KIAA1958: variants seen among roughly 807,000 people sequenced by gnomAD.
KIAA1958 encodes uncharacterized protein KIAA1958.
Under a neutral mutation model 47.2 loss-of-function variants are expected in KIAA1958, and 14 were observed. The ratio of observed to expected loss-of-function variants is 0.30; its 90% CI spans 0.20 to 0.46. The LOEUF (loss-of-function observed/expected upper bound fraction) is 0.46, where lower values mean the gene tolerates loss of function less well. Among genes scored for constraint, KIAA1958 ranks in the 20% least tolerant of loss-of-function variants. The pLI, the probability that KIAA1958 is intolerant of heterozygous loss-of-function variation, is 1.00. For synonymous variants in KIAA1958, 354 were observed against 353.3 expected, an observed-to-expected ratio of 1.00 and a Z score of -0.02; for missense variants, 803 against 909.2, an observed-to-expected ratio of 0.88 and a Z score of 1.50.
In KIAA1958 at chr9:112,659,971, T is replaced by G. The variant is rs778778577; in HGVS notation, c.2053T>G (p.Leu685Val). The G allele has an allele frequency of 2.0e-5, 32 of 1,614,148 alleles. No individual in the cohort carries two copies. The highest frequency in any genetic ancestry group is 2.5e-5 in the Non-Finnish European group (30 of 1,180,056). The change falls in exon 4 of 4, where the codon TTA (leucine) becomes GTA (valine). Residue 685 changes from leucine (L) to valine (V), a missense_variant. This residue lies in a region of KIAA1958 where 761 missense variants were observed against 829.3 expected (regional missense o/e 0.92). Coordinates refer to ENST00000337530, the MANE Select transcript of KIAA1958 (RefSeq NM_133465.4). Reference sequence around the variant, plus strand: ...CTCTCTTCGGGGAATTGTCCCAAACTTAGCCAAGAAGGTCAAGCTGGAAAA... The same window carrying G: ...CTCTCTTCGGGGAATTGTCCCAAACGTAGCCAAGAAGGTCAAGCTGGAAAA... ...LRSLRGIVPN[L>V]AKKVKLENCE...
At chr9:112,507,982 T>C (rs1189181786) in intron 1 of KIAA1958, among the ~76,000 whole-genome samples, 1 of 152,154 alleles carries the variant, frequency 6.6e-6, no homozygotes, top group Non-Finnish European at 1.5e-5. Flanking sequence ...CTTTGAGAAT[T>C]GGATAAAATC....
At chr9:112,600,620 T>C (rs1274684726) in intron 2 of KIAA1958, among the ~76,000 whole-genome samples, 1 of 152,204 alleles carries the variant, frequency 6.6e-6, no homozygotes, top group Admixed American at 6.5e-5. Flanking sequence ...ATATAGATAT[T>C]AACTCTGGTT....
intron 1 of KIAA1958, among the ~76,000 whole-genome samples, chr9:112,508,719 A>C (rs1281934848): frequency 6.6e-6 from 1 of 152,218 alleles, no homozygotes; most frequent in African/African-American, 2.4e-5. Context: ...TGTTGTAAAA[A>C]TATGCATTAT....
In KIAA1958 at chr9:112,623,323, C is replaced by T. The variant is rs940311568; in HGVS notation, c.1172-22327C>T. Among the ~76,000 whole-genome samples, 22 of 152,286 alleles carry T rather than the reference C, an allele frequency of 1.4e-4. No individual in the cohort carries two copies. The East Asian group carries it at 2.9e-3, about 20-fold the overall frequency. On this transcript the variant is annotated intron_variant, in intron 2 of 3. Transcript: ENST00000337530. Reference sequence around the variant, plus strand: ...TCCCATTAGGTAAGTATTATTATTTCCCTTTTATAATTGAGGAAATCCAGA... The same window carrying T: ...TCCCATTAGGTAAGTATTATTATTTTCCTTTTATAATTGAGGAAATCCAGA...
rs1286167714 is a variant in KIAA1958 at position 112,618,980 on chromosome 9, G to A, written c.1172-26670G>A. 20 of 1,448,934 alleles carry A rather than the reference G, an allele frequency of 1.4e-5. No individual in the cohort carries two copies. The South Asian group carries it at 2.2e-4, about 16-fold the overall frequency. 89.8% of individuals were successfully genotyped at this position (1,448,934 alleles called of 1,614,324 possible). ...TCCGGAGAAACTGTGATTATACACCGCTTCTCGTTCCCCTTCCTGTGCCCT... is the reference window on the plus strand; with the variant it reads ...TCCGGAGAAACTGTGATTATACACCACTTCTCGTTCCCCTTCCTGTGCCCT... On this transcript the variant is annotated intron_variant, in intron 2 of 3. Transcript: ENST00000337530. This position sits in a 1 kb window ranked among gnomAD's most constrained non-coding sequence, Gnocchi z 7.1.
chr9:112,513,210 G>A (rs1224642275), intron 1 of KIAA1958, among the ~76,000 whole-genome samples: 1 of 133,110 alleles, frequency 7.5e-6, no homozygotes, highest in Non-Finnish European at 1.6e-5. Context: ...TCACCATGTT[G>A]GCCAGGCTGG....
At chr9:112,656,201 C>T (rs1219877776) in intron 3 of KIAA1958, among the ~76,000 whole-genome samples, 6 of 151,788 alleles carry the variant, frequency 4.0e-5, no homozygotes, top group African/African-American at 1.5e-4. Flanking sequence ...GGTGAAACCC[C>T]GTTTCTACTA....
At chr9:112,534,799 C>T (rs961848054) in intron 1 of KIAA1958, among the ~76,000 whole-genome samples, 5 of 152,168 alleles carry the variant, frequency 3.3e-5, no homozygotes, top group African/African-American at 1.2e-4. Flanking sequence ...CCGCCTCGGC[C>T]TCCCAAAGTG....
chr9:112,537,176 G>A (rs935584906), intron 1 of KIAA1958, among the ~76,000 whole-genome samples: 7 of 151,580 alleles, frequency 4.6e-5, no homozygotes, highest in African/African-American at 1.5e-4. Flanking sequence ...TGCAATCTTG[G>A]CTCCCTGGAA....
In KIAA1958 at chr9:112,668,232, A is replaced by G. The variant is rs558066446; in HGVS notation, c.*8163A>G. 2.6e-4 allele frequency: 39 copies of G among 152,332 alleles called. No homozygotes were observed. The highest frequency in any genetic ancestry group is 5.0e-4 in the Non-Finnish European group (34 of 68,024). The allele number at this position is 152,332 out of a possible 1,614,324, so 9.4% of individuals were successfully genotyped here. The stretch of plus-strand genomic sequence containing the variant: ...AAGCCCATGTGCTTCTCCATGCTCA[A>G]ACGCAGAACTAAAAATGGGTATAAA... On this transcript the variant is annotated 3_prime_UTR_variant, in exon 4 of 4. Transcript: ENST00000337530.
chr9:112,530,069 T>G (rs1834728543), intron 1 of KIAA1958, among the ~76,000 whole-genome samples: 1 of 152,172 alleles, frequency 6.6e-6, no homozygotes, highest in Non-Finnish European at 1.5e-5. Context: ...GGTCTCGATC[T>G]CCTGACCTCG....
At chr9:112,541,921 G>A (rs547366902) in intron 1 of KIAA1958, among the ~76,000 whole-genome samples, 2 of 152,302 alleles carry the variant, frequency 1.3e-5, no homozygotes, top group Non-Finnish European at 2.9e-5. Context: ...TCTTGGGGCC[G>A]ATGTGTGTTG....
In KIAA1958 at chr9:112,663,849, T is replaced by C. The variant is rs1837316253; in HGVS notation, c.*3780T>C. ...CTTTGATTTTTATTTTAATTCAAGC[T>C]TATTAAAAGCATCAAGCATTATATG... On this transcript the variant is annotated 3_prime_UTR_variant, in exon 4 of 4. Transcript: ENST00000337530. 6.6e-6 allele frequency: 1 copy of C among 152,260 alleles called. No homozygotes were observed. The highest frequency in any genetic ancestry group is 2.1e-4 in the South Asian group (1 of 4,838). The allele number at this position is 152,260 out of a possible 1,614,324, so 9.4% of individuals were successfully genotyped here. A position where few individuals can be genotyped will look rare whatever the true frequency, so the allele number is the denominator to read the frequency against.
chr9:112,532,616 G>A (rs1388473695), intron 1 of KIAA1958, among the ~76,000 whole-genome samples: 1 of 152,168 alleles, frequency 6.6e-6, no homozygotes, highest in Non-Finnish European at 1.5e-5. Context: ...CACAGCACTG[G>A]TAGTCCAGCT....
chr9:112,556,080 C>CA (rs935181613), intron 1 of KIAA1958, among the ~76,000 whole-genome samples: 1 of 150,450 alleles, frequency 6.6e-6, no homozygotes, highest in Non-Finnish European at 1.5e-5. Flanking sequence ...ACTCTGTCTC[C>CA]AAAAAAAAAG....
chr9:112,597,687 A>G (rs1255371241), intron 2 of KIAA1958, among the ~76,000 whole-genome samples: 3 of 152,256 alleles, frequency 2.0e-5, no homozygotes, highest in Non-Finnish European at 4.4e-5. Flanking sequence ...GGAGACACGT[A>G]CAGACATGCT....
intron 3 of KIAA1958, among the ~76,000 whole-genome samples, chr9:112,648,602 A>T (rs926820630): frequency 6.6e-6 from 1 of 152,210 alleles, no homozygotes; most frequent in African/African-American, 2.4e-5. Context: ...GGGTACTCAG[A>T]AAGGACTTGC....
intron 3 of KIAA1958, among the ~76,000 whole-genome samples, chr9:112,646,325 T>C (rs1324989872): frequency 6.6e-6 from 1 of 152,174 alleles, no homozygotes; most frequent in Non-Finnish European, 1.5e-5. Context: ...TTGTTTTTGC[T>C]AAGGAGAGAC....
At chr9:112,619,989 C>T (rs1359527132) in intron 2 of KIAA1958, among the ~76,000 whole-genome samples, 4 of 152,114 alleles carry the variant, frequency 2.6e-5, no homozygotes, top group Admixed American at 1.3e-4. Context: ...AATATTGGCA[C>T]TCATTTTAGG....
Sources: gnomAD v4.1 joint callset for allele counts (sites outside exome capture counted in the v4.1 genomes callset) on GRCh38, gnomAD v4.1.1 for gene constraint, gnomAD v4.1.1 regional missense constraint, Gnocchi (gnomAD v3.1) non-coding constraint, MANE v1.5 for transcripts, NCBI Gene and HGNC (gene_info 2026-07-23, HGNC 2026-07-21) for gene names.